The following SMAD3 variants were observed in gnomAD, a reference collection of about 807,000 sequenced individuals.
The protein encoded by SMAD3 is SMAD family member 3.
Under a neutral mutation model 51.8 loss-of-function variants are expected in SMAD3, and 12 were observed. The observed-to-expected ratio is 0.23, with a 90% CI of 0.15 to 0.38. SMAD3 has a LOEUF of 0.38. SMAD3 is among the 10% of genes least tolerant of loss of function. SMAD3 has a pLI of 1.00. For synonymous variants in SMAD3, 238 were observed against 227.7 expected (o/e 1.05, Z -0.41); for missense variants, 294 against 565.6 (o/e 0.52, Z 4.87).
rs1963044735 is a variant in SMAD3, at chr15:67,181,256, C to A, written c.674C>A (p.Thr225Asn). The A allele has an allele frequency of 6.2e-7, 1 of 1,612,970 alleles. No homozygotes were observed. The highest frequency in any genetic ancestry group is 1.3e-5 in the African/African-American group (1 of 75,004). Reference protein sequence around the residue: ...AHNNLDLQPVTYCEPAFWCSI... With the variant: ...AHNNLDLQPVNYCEPAFWCSI... The stretch of plus-strand genomic sequence containing the variant: ...GTGTCCACAGACCTGCAGCCAGTTA[C>A]CTACTGCGAGCCGGCCTTCTGGTGC... Residue 225 changes from threonine (T) to asparagine (N), a missense_variant, in exon 6 of 9, where the codon ACC becomes AAC. Thr to Asn is a moderately conservative substitution (Grantham distance 65). Coordinates refer to ENST00000327367, the MANE Select transcript of SMAD3 (RefSeq NM_005902.4).
intron 5 of SMAD3, among the ~76,000 whole-genome samples, chr15:67,172,770 C>G (rs1444900314): frequency 1.3e-5 from 2 of 152,218 alleles, no homozygotes; most frequent in African/African-American, 2.4e-5. Context: ...AGAGCGTGCA[C>G]TCCCATTGTG....
intron 1 of SMAD3, among the ~76,000 whole-genome samples, chr15:67,148,985 T>C (rs1962053234): frequency 6.6e-6 from 1 of 152,162 alleles, no homozygotes; most frequent in South Asian, 2.1e-4. Context: ...AGAAGTCACT[T>C]CATCATACCA....
At position 67,075,016 on chromosome 15, in the gene SMAD3, A is replaced by AT. The variant is rs150557456; in HGVS notation, c.206+8666dup. Among the ~76,000 whole-genome samples the AT allele has an allele frequency of 3.3e-3, 489 of 147,666 alleles. 3 individuals are homozygous for AT. The East Asian group carries it at 0.034, about 10-fold the overall frequency. On this transcript the variant is annotated intron_variant, in intron 1 of 8. Transcript: ENST00000327367. ...CAAGTTGTAACTCTGAGGTGTCACC[A>AT]TTTTTTTTTTCTTTTCAACTGGACA...
intron 5 of SMAD3, 56 bp downstream of exon 5, chr15:67,170,660 G>C (rs2140301304): frequency 1.3e-6 from 2 of 1,509,984 alleles, no homozygotes. Context: ...GCCCTGGCGA[G>C]TCGCCAGTGT....
intron 1 of SMAD3, among the ~76,000 whole-genome samples, chr15:67,073,020 C>T (rs1273206564): frequency 2.6e-5 from 4 of 152,198 alleles, no homozygotes; most frequent in Non-Finnish European, 5.9e-5. Flanking sequence ...TCCCTGGTGC[C>T]TTCTGTAGCT....
At chr15:67,066,984 A>G (rs1322294480) in intron 1 of SMAD3, among the ~76,000 whole-genome samples, 1 of 152,086 alleles carries the variant, frequency 6.6e-6, no homozygotes, top group East Asian at 1.9e-4. Flanking sequence ...CTGAGCATGC[A>G]CGCACTTTGG....
At chr15:67,117,722 G>A (rs78701952) in intron 1 of SMAD3, among the ~76,000 whole-genome samples, 2,167 of 152,326 alleles carry the variant, frequency 0.014, 39 homozygotes, top group African/African-American at 0.048. Context: ...ATGATCAAGT[G>A]TAATGTTTTA....
intron 1 of SMAD3, among the ~76,000 whole-genome samples, chr15:67,087,123 G>A (rs2061797613): frequency 6.6e-6 from 1 of 152,106 alleles, no homozygotes; most frequent in South Asian, 2.1e-4. Flanking sequence ...CCTGACTTCA[G>A]GTGATCTGCC....
intron 1 of SMAD3, among the ~76,000 whole-genome samples, chr15:67,096,989 T>G (rs531869803): frequency 1.3e-5 from 2 of 152,316 alleles, no homozygotes; most frequent in East Asian, 3.9e-4. Context: ...TGTGAATTTT[T>G]GGGCAGCCTA....
At chr15:67,164,242 G>A (rs1175727488) in intron 1 of SMAD3, among the ~76,000 whole-genome samples, 1 of 146,998 alleles carries the variant, frequency 6.8e-6, no homozygotes, top group Non-Finnish European at 1.5e-5. Context: ...ATGAACCCGG[G>A]AGGCAGAGCT....
Position 67,102,270 on chromosome 15 carries a change from G to GGT in SMAD3, c.206+35920_206+35921dup, listed in dbSNP as rs1555407510. ...AAAGTGTGTGTGTGTGTGTGTGTGC[G>GGT]GTGTGTGTGTGCATGCTCGCGTGCA... is the stretch of plus-strand genomic sequence containing the variant. On this transcript the variant is annotated intron_variant, in intron 1 of 8. Transcript: ENST00000327367. Among the ~76,000 whole-genome samples, 477 of 103,992 alleles carry GGT rather than the reference G, an allele frequency of 4.6e-3. 5 individuals carry two copies. Among genetic ancestry groups the GGT allele is most frequent in the African/African-American group, 0.014 (465 of 32,830 alleles). 68.2% of individuals were successfully genotyped at this position (103,992 alleles called of 152,430 possible).
intron 5 of SMAD3, among the ~76,000 whole-genome samples, chr15:67,176,108 T>A (rs1486484267): frequency 6.6e-6 from 1 of 152,172 alleles, no homozygotes; most frequent in Non-Finnish European, 1.5e-5. Context: ...AGTCCGCAGA[T>A]ACATAGGTTG....
intron 3 of SMAD3, chr15:67,166,456 C>G: frequency 2.1e-6 from 1 of 473,192 alleles, no homozygotes; most frequent in Non-Finnish European, 3.9e-6. Context: ...GTCTGGACGC[C>G]TCCCTGGAGG....
chr15:67,087,267 T>C (rs1348911667), intron 1 of SMAD3, among the ~76,000 whole-genome samples: 1 of 152,184 alleles, frequency 6.6e-6, no homozygotes, highest in Non-Finnish European at 1.5e-5. Context: ...AATGACTTCA[T>C]GTTCTTGCTC....
chr15:67,148,043 C>A (rs1004491975), intron 1 of SMAD3, among the ~76,000 whole-genome samples: 5 of 152,136 alleles, frequency 3.3e-5, no homozygotes, highest in African/African-American at 1.2e-4. Flanking sequence ...TACTTATTTG[C>A]TCTGCTGCTA....
chr15:67,177,654 C>G (rs1156922842), intron 5 of SMAD3, among the ~76,000 whole-genome samples: 2 of 151,810 alleles, frequency 1.3e-5, no homozygotes, highest in Non-Finnish European at 2.9e-5. Context: ...AAATCCTGAC[C>G]TCAAGTGATC....
chr15:67,126,318 A>C (rs2140247986), intron 1 of SMAD3, among the ~76,000 whole-genome samples: 1 of 152,056 alleles, frequency 6.6e-6, no homozygotes, highest in East Asian at 1.9e-4. Flanking sequence ...TGGTGGGGCC[A>C]TGCTGGGGCA....
At chr15:67,175,808 A>G (rs1195074673) in intron 5 of SMAD3, among the ~76,000 whole-genome samples, 1 of 152,224 alleles carries the variant, frequency 6.6e-6, no homozygotes, top group Non-Finnish European at 1.5e-5. Flanking sequence ...ACGGCGGCCC[A>G]GGGCAGAGGC....
intron 1 of SMAD3, among the ~76,000 whole-genome samples, chr15:67,130,223 A>G (rs1290051429): frequency 6.6e-6 from 1 of 152,230 alleles, no homozygotes; most frequent in African/African-American, 2.4e-5. Context: ...AGGCCCAGCA[A>G]CTTACCCAAG....
Sources: gnomAD v4.1 joint callset for allele counts (sites outside exome capture counted in the v4.1 genomes callset) on GRCh38, gnomAD v4.1.1 for gene constraint, MANE v1.5 for transcripts, NCBI Gene and HGNC (gene_info 2026-07-23, HGNC 2026-07-21) for gene names.